The following CDH18 variants were observed in gnomAD, a reference collection of about 807,000 sequenced individuals.
CDH18 encodes cadherin-18.
Under a neutral mutation model 67.9 loss-of-function variants are expected in CDH18, and 31 were observed. The ratio of observed to expected loss-of-function variants is 0.46; its 90% CI spans 0.34 to 0.62. The LOEUF (loss-of-function observed/expected upper bound fraction) is 0.62, where lower values mean the gene tolerates loss of function less well. Ranked by LOEUF, CDH18 falls within the 20% of genes least tolerant of loss-of-function variation. The pLI is 0.01. For synonymous variants in CDH18, 362 were observed against 347.2 expected (o/e 1.04, Z -0.48); for missense variants, 890 against 975.5 (o/e 0.91, Z 1.17).
At chr5:20,064,442 G>A (rs1450424267) in intron 2 of CDH18, among the ~76,000 whole-genome samples, 9 of 152,112 alleles carry the variant, frequency 5.9e-5, no homozygotes, top group African/African-American at 2.4e-5. Flanking sequence ...TGGAAGCCAA[G>A]TGTTAGCTTC....
intron 1 of CDH18, among the ~76,000 whole-genome samples, chr5:20,434,210 G>C (rs150922705): frequency 1.3e-5 from 2 of 151,942 alleles, no homozygotes; most frequent in African/African-American, 2.4e-5. Context: ...TCTGGAGTAG[G>C]CCAAATGTTC....
At chr5:20,546,456 C>G (rs1757348827) in intron 1 of CDH18, among the ~76,000 whole-genome samples, 1 of 151,994 alleles carries the variant, frequency 6.6e-6, no homozygotes, top group African/African-American at 2.4e-5. Flanking sequence ...TTAACTGACT[C>G]AAAGTTTTGC....
In CDH18 at chr5:19,961,188, C is replaced by T. The variant is rs1399220626; in HGVS notation, c.-257+19872G>A. On this transcript the variant is annotated intron_variant, in intron 2 of 12. Coordinates refer to ENST00000382275, the MANE Select transcript of CDH18 (RefSeq NM_004934.5). ...CGCGATCTAGGCTCACTGCAACCTCCGCCTCCTGGGTTCATGAGATTCTCC... is the reference window on the plus strand; with the variant it reads ...CGCGATCTAGGCTCACTGCAACCTCTGCCTCCTGGGTTCATGAGATTCTCC... 4.7e-5 allele frequency among the ~76,000 whole-genome samples: 7 copies of T among 150,444 alleles called. No homozygotes were observed. In the East Asian group the frequency reaches 5.9e-4, roughly 13 times the overall value.
chr5:20,004,235 G>A (rs1014151812), intron 2 of CDH18, among the ~76,000 whole-genome samples: 2 of 152,056 alleles, frequency 1.3e-5, no homozygotes, highest in African/African-American at 4.8e-5. Context: ...TCTTACCAAG[G>A]CTCCAGCAAC....
chr5:19,985,262 G>A (rs1579951471), intron 1 of CDH18, among the ~76,000 whole-genome samples: 1 of 152,042 alleles, frequency 6.6e-6, no homozygotes, highest in African/African-American at 2.4e-5. Context: ...GCAAAAGGAG[G>A]GGATTTATCT....
intron 2 of CDH18, among the ~76,000 whole-genome samples, chr5:20,245,888 T>G (rs183869424): frequency 6.6e-6 from 1 of 152,234 alleles, no homozygotes; most frequent in East Asian, 1.9e-4. Context: ...TAGCAAGAGC[T>G]AATGTTAACA....
At chr5:20,175,786 C>A (rs1000117033) in intron 2 of CDH18, among the ~76,000 whole-genome samples, 25 of 152,058 alleles carry the variant, frequency 1.6e-4, no homozygotes, top group African/African-American at 2.4e-4. Context: ...TATATTCTAG[C>A]CTCACTGGCA....
intron 1 of CDH18, among the ~76,000 whole-genome samples, chr5:20,483,086 C>A (rs545219582): frequency 6.6e-6 from 1 of 151,912 alleles, no homozygotes; most frequent in Non-Finnish European, 1.5e-5. Flanking sequence ...GATGTAACAT[C>A]GGCATACAAA....
chr5:20,319,643 AAG>A (rs1429080485), intron 1 of CDH18, among the ~76,000 whole-genome samples: 1 of 152,198 alleles, frequency 6.6e-6, no homozygotes. Flanking sequence ...CATGGCAGAC[AAG>A]AGTGTCGAAT....
chr5:19,808,248 C>T (rs1033502804), intron 3 of CDH18, among the ~76,000 whole-genome samples: 7 of 150,732 alleles, frequency 4.6e-5, no homozygotes, highest in Non-Finnish European at 1.0e-4. Context: ...TTATATTTAA[C>T]TTTGTAACTT....
intron 1 of CDH18, among the ~76,000 whole-genome samples, chr5:20,353,577 G>A (rs1439310157): frequency 2.6e-5 from 4 of 152,106 alleles, no homozygotes; most frequent in Non-Finnish European, 5.9e-5. Context: ...TTATTAGAAT[G>A]TTCTCTTCTG....
intron 1 of CDH18, among the ~76,000 whole-genome samples, chr5:20,279,699 C>CAAAAAAAAAAAAAAAAAAAAAAAAAA (rs1189257278): frequency 2.2e-4 from 3 of 13,600 alleles, no homozygotes; most frequent in African/African-American, 2.6e-4. Context: ...AGCTCTGTCT[C>CAAAAAAAAAAAAAAAAAAAAAAAAAA]AAAAAAAAAA....
At chr5:20,176,723 G>A (rs189144366) in intron 2 of CDH18, among the ~76,000 whole-genome samples, 4 of 152,262 alleles carry the variant, frequency 2.6e-5, no homozygotes, top group Admixed American at 2.6e-4. Flanking sequence ...CAAGACAGAT[G>A]TGGCCTATAA....
At chr5:20,494,434 A>C (rs1347017736) in intron 1 of CDH18, among the ~76,000 whole-genome samples, 1 of 151,908 alleles carries the variant, frequency 6.6e-6, no homozygotes, top group African/African-American at 2.4e-5. Flanking sequence ...TGGGAAGAGG[A>C]CCTTACATGA....
intron 1 of CDH18, among the ~76,000 whole-genome samples, chr5:20,399,231 A>G (rs568622721): frequency 1.8e-4 from 28 of 152,300 alleles, no homozygotes; most frequent in Admixed American, 1.3e-3. Flanking sequence ...GTTTCTGTTT[A>G]CTCTTCTATC....
chr5:20,483,719 T>C (rs751732230), intron 1 of CDH18, among the ~76,000 whole-genome samples: 41 of 150,950 alleles, frequency 2.7e-4, no homozygotes, highest in Non-Finnish European at 5.2e-4. Context: ...AAAAACTAGA[T>C]ATCCACATGC....
intron 2 of CDH18, among the ~76,000 whole-genome samples, chr5:20,021,801 A>C (rs1467455040): frequency 1.3e-5 from 2 of 152,346 alleles, no homozygotes; most frequent in Admixed American, 1.3e-4. Context: ...CAATGTGAGA[A>C]TGAACTAACA....
chr5:19,514,775 A>AT (rs1036353932), intron 10 of CDH18, among the ~76,000 whole-genome samples: 2 of 152,068 alleles, frequency 1.3e-5, no homozygotes, highest in Non-Finnish European at 2.9e-5. Context: ...GATTGCAAAA[A>AT]TTTTCACCCA....
At chr5:19,599,669 G>C (rs1227047770) in intron 6 of CDH18, among the ~76,000 whole-genome samples, 1 of 152,104 alleles carries the variant, frequency 6.6e-6, no homozygotes, top group Admixed American at 6.5e-5. Flanking sequence ...TTGGGAGGCC[G>C]AGGCGGGCAG....
Sources: allele counts gnomAD v4.1 joint callset (sites outside exome capture counted in the v4.1 genomes callset), GRCh38; gene constraint gnomAD v4.1.1; transcripts MANE v1.5; gene names NCBI Gene and HGNC (gene_info 2026-07-23, HGNC 2026-07-21).